Variants in CIMAP3 observed in about 807,000 individuals in gnomAD.
CIMAP3 encodes the protein ciliary microtubule associated protein 3, also known as ciliary microtubule-associated protein 3.
At chr1:111,337,586 C>CAA in the CIMAP3 span, among the ~76,000 whole-genome samples, 847 of 151,058 alleles carry the variant, frequency 5.6e-3, 9 homozygotes, top group African/African-American at 0.019. Context: ...CAACAAAGAT[C>CAA]AAGAGACAAA....
the CIMAP3 span, among the ~76,000 whole-genome samples, chr1:111,343,427 A>C: frequency 6.6e-6 from 1 of 152,194 alleles, no homozygotes; most frequent in Non-Finnish European, 1.5e-5. Context: ...AGTCTCCATA[A>C]ACATCTGGCA....
At chr1:111,324,727 C>T in the CIMAP3 span, 1 of 985,288 alleles carries the variant, frequency 1.0e-6, no homozygotes, top group African/African-American at 1.7e-5. Context: ...GGAAATAATA[C>T]ATGAGAGATC....
the CIMAP3 span, chr1:111,350,131 A>T: frequency 6.2e-7 from 1 of 1,613,992 alleles, no homozygotes; most frequent in Non-Finnish European, 8.5e-7. Flanking sequence ...CCCAGAGAAG[A>T]AGCCACCGCC....
At chr1:111,347,634 T>G in the CIMAP3 span, 1 of 1,212,016 alleles carries the variant, frequency 8.3e-7, no homozygotes, top group Non-Finnish European at 1.2e-6. Flanking sequence ...TTTTTTTTTT[T>G]TTTGGTGTTT....
chr1:111,351,457 G>A, the CIMAP3 span: 2 of 684,290 alleles, frequency 2.9e-6, no homozygotes, highest in Non-Finnish European at 4.8e-6. Context: ...GAGGGACAGG[G>A]GCTTATAGCT....
the CIMAP3 span, among the ~76,000 whole-genome samples, chr1:111,337,090 C>T: frequency 1.3e-5 from 2 of 152,056 alleles, no homozygotes; most frequent in Non-Finnish European, 2.9e-5. Flanking sequence ...TCATATCCAG[C>T]CAAACTAAGC....
chr1:111,342,250 TAAGTGTAA>T, the CIMAP3 span, among the ~76,000 whole-genome samples: 2 of 151,844 alleles, frequency 1.3e-5, no homozygotes, highest in South Asian at 4.2e-4. Context: ...AGGCTAGGAG[TAAGTGTAA>T]TGACATTTTC....
chr1:111,324,777 C>T, the CIMAP3 span: 1 of 985,246 alleles, frequency 1.0e-6, no homozygotes, highest in Non-Finnish European at 1.2e-6. Flanking sequence ...TGTTCTTGCC[C>T]AGAACGACTG....
At chr1:111,347,618 CTTTCTT>C in the CIMAP3 span, 17 of 928,302 alleles carry the variant, frequency 1.8e-5, no homozygotes, top group South Asian at 3.7e-5. Context: ...GTTGTTTTTT[CTTTCTT>C]TTTTTTTTTT....
chr1:111,325,989 A>G, the CIMAP3 span, among the ~76,000 whole-genome samples: 1 of 151,974 alleles, frequency 6.6e-6, no homozygotes, highest in Non-Finnish European at 1.5e-5. Flanking sequence ...CATTGAAATG[A>G]AAAGAGGAAG....
the CIMAP3 span, among the ~76,000 whole-genome samples, chr1:111,341,443 A>G: frequency 6.6e-6 from 1 of 152,162 alleles, no homozygotes; most frequent in South Asian, 2.1e-4. Context: ...TTTGTTCCAG[A>G]AGGAGAGGTA....
chr1:111,350,315 C>A, the CIMAP3 span: 3 of 1,041,864 alleles, frequency 2.9e-6, no homozygotes, highest in South Asian at 1.7e-5. Context: ...TGTGAATGAA[C>A]TTCAGGAAGT....
At chr1:111,342,058 C>T in the CIMAP3 span, among the ~76,000 whole-genome samples, 1,203 of 152,176 alleles carry the variant, frequency 7.9e-3, 16 homozygotes, top group African/African-American at 0.027. Context: ...GATATAAACA[C>T]CTATGTACAG....
the CIMAP3 span, chr1:111,351,344 T>C: frequency 6.5e-7 from 1 of 1,543,944 alleles, no homozygotes; most frequent in Non-Finnish European, 8.7e-7. Context: ...GTAACTACCT[T>C]CACGTGCTCC....
chr1:111,344,423 A>T, the CIMAP3 span, among the ~76,000 whole-genome samples: 1 of 152,194 alleles, frequency 6.6e-6, no homozygotes, highest in Admixed American at 6.5e-5. Context: ...TTCTGCTCAA[A>T]TCTTCTGCTT....
chr1:111,340,054 T>C, the CIMAP3 span, among the ~76,000 whole-genome samples: 1 of 151,854 alleles, frequency 6.6e-6, no homozygotes, highest in African/African-American at 2.4e-5. Context: ...TAACGTCGCA[T>C]ATCTACAACT....
chr1:111,328,479 G>A, the CIMAP3 span, among the ~76,000 whole-genome samples: 1 of 152,200 alleles, frequency 6.6e-6, no homozygotes, highest in African/African-American at 2.4e-5. Context: ...TTGTGTGGGA[G>A]TCTATGTCTT....
the CIMAP3 span, chr1:111,347,706 C>T: frequency 3.1e-6 from 5 of 1,605,638 alleles, no homozygotes. Flanking sequence ...TATCTAAGAT[C>T]CCAACCAGTA....
At chr1:111,334,612 G>A in the CIMAP3 span, among the ~76,000 whole-genome samples, 2 of 152,050 alleles carry the variant, frequency 1.3e-5, no homozygotes, top group Non-Finnish European at 2.9e-5. Context: ...ATTCAAAATA[G>A]CAGTTTTAAG....
Sources: allele counts gnomAD v4.1 joint callset (sites outside exome capture counted in the v4.1 genomes callset), GRCh38; gene constraint gnomAD v4.1.1; transcripts MANE v1.5; gene names NCBI Gene and HGNC (gene_info 2026-07-23, HGNC 2026-07-21).